Variants in DUS2 observed in about 807,000 individuals in gnomAD.
DUS2 encodes the protein dihydrouridine synthase 2, also known as tRNA-dihydrouridine(20) synthase [NAD(P)+]-like.
A neutral mutation model predicts 71.3 loss-of-function variants in DUS2; 52 were observed. The ratio of observed to expected loss-of-function variants is 0.73; its 90% confidence interval spans 0.58 to 0.92. The LOEUF (loss-of-function observed/expected upper bound fraction) is 0.92. Among genes scored for constraint, DUS2 ranks in the 40% least tolerant of loss-of-function variants. DUS2 has a pLI of 0.00. For synonymous variants in DUS2, 204 were observed against 227.8 expected, an observed-to-expected ratio of 0.90 and a Z score of 0.94; for missense variants, 558 against 622.6, an observed-to-expected ratio of 0.90 and a Z score of 1.10.
chr16:68,070,247 T>C (rs1439252112), intron 11 of DUS2, 27 bp downstream of exon 11: 1 of 1,605,812 alleles, frequency 6.2e-7, no homozygotes, highest in Non-Finnish European at 8.5e-7. Context: ...CATCATGTAC[T>C]CTGTGTCCCA....
intron 3 of DUS2, among the ~76,000 whole-genome samples, chr16:68,045,763 C>T (rs2033691647): frequency 1.3e-5 from 2 of 150,574 alleles, no homozygotes. Context: ...TCTTGTTGCC[C>T]AGGCCCTGGA....
intron 3 of DUS2, among the ~76,000 whole-genome samples, chr16:68,038,790 C>G (rs147894214): frequency 6.7e-6 from 1 of 148,896 alleles, no homozygotes; most frequent in Non-Finnish European, 1.5e-5. Flanking sequence ...TAGCTCATGC[C>G]GTAATACTAG....
At chr16:68,023,928 C>T (rs747590019) in intron 1 of DUS2, 1 of 167,238 alleles carries the variant, frequency 6.0e-6, no homozygotes, top group African/African-American at 2.4e-5. Flanking sequence ...CGCTCAGCTC[C>T]ACTGGCTTCC....
Position 68,075,325 on chromosome 16 carries a change from G to A in DUS2, c.933-30G>A, listed in dbSNP as rs2034141500. 1.9e-6 allele frequency: 3 copies of A among 1,560,746 alleles called. No homozygotes were observed. In the South Asian group the frequency reaches 3.6e-5, roughly 19 times the overall value. On this transcript the variant is annotated intron_variant, in intron 13 of 16. Transcript: ENST00000565263. Reference sequence around the variant, plus strand: ...CCCTGGATGCTGGCTCCGCTAAAGTGTTTGCTCTGATCTGCTTCTTCCTCC... The same window carrying A: ...CCCTGGATGCTGGCTCCGCTAAAGTATTTGCTCTGATCTGCTTCTTCCTCC...
At chr16:68,075,213 G>T (rs1255656254) in intron 13 of DUS2, 142 bp from the exon 14 acceptor site, 2 of 708,864 alleles carry the variant, frequency 2.8e-6, no homozygotes, top group Admixed American at 6.8e-5. Flanking sequence ...TGGGCAGGGG[G>T]CACATTCTGA....
At chr16:68,060,582 G>A (rs1053160619) in intron 7 of DUS2, among the ~76,000 whole-genome samples, 5 of 152,164 alleles carry the variant, frequency 3.3e-5, no homozygotes, top group Non-Finnish European at 7.4e-5. Flanking sequence ...CCAAAGTGCT[G>A]GAATTACAGG....
At chr16:68,025,750 G>T (rs1334590662) in intron 2 of DUS2, among the ~76,000 whole-genome samples, 2 of 151,970 alleles carry the variant, frequency 1.3e-5, no homozygotes. Flanking sequence ...TGTTTTCTGA[G>T]ATATTTTTAT....
At chr16:68,064,801 C>G (rs1295724979) in intron 8 of DUS2, among the ~76,000 whole-genome samples, 2 of 152,234 alleles carry the variant, frequency 1.3e-5, no homozygotes, top group East Asian at 1.9e-4. Context: ...GTCTGTCAGT[C>G]CAGCCTCTTG....
intron 12 of DUS2, among the ~76,000 whole-genome samples, chr16:68,073,465 T>C (rs1258799490): frequency 6.6e-6 from 1 of 150,930 alleles, no homozygotes; most frequent in Non-Finnish European, 1.5e-5. Context: ...TTTTTTTTTT[T>C]TGAGACAGAG....
intron 3 of DUS2, among the ~76,000 whole-genome samples, chr16:68,043,433 G>A (rs1251606026): frequency 6.6e-6 from 1 of 151,790 alleles, no homozygotes; most frequent in Non-Finnish European, 1.5e-5. Context: ...AAAAGTGCTG[G>A]GATTACAGGT....
At chr16:68,058,651 A>G (rs1282998438) in intron 7 of DUS2, among the ~76,000 whole-genome samples, 1 of 152,158 alleles carries the variant, frequency 6.6e-6, no homozygotes, top group Non-Finnish European at 1.5e-5. Context: ...ATGATTATAT[A>G]TATTTATTTG....
At chr16:68,029,015 A>G (rs1303202709) in intron 2 of DUS2, among the ~76,000 whole-genome samples, 5 of 152,106 alleles carry the variant, frequency 3.3e-5, no homozygotes, top group Non-Finnish European at 5.9e-5. Flanking sequence ...CCTGAGCAAC[A>G]TAGCAAGACT....
At chr16:68,039,235 A>C (rs2033583499) in intron 3 of DUS2, among the ~76,000 whole-genome samples, 1 of 152,048 alleles carries the variant, frequency 6.6e-6, no homozygotes. Context: ...CAGGGAAGGC[A>C]AAAGTCAGGT....
chr16:68,073,539 T>TC (rs1156874792), intron 12 of DUS2, among the ~76,000 whole-genome samples: 2 of 149,652 alleles, frequency 1.3e-5, no homozygotes. Context: ...AACCTTCGCC[T>TC]CCAGGGTTCA....
In DUS2 at chr16:68,078,328, C is replaced by G. The variant is rs186873944; in HGVS notation, c.1171-117C>G. 3.2e-6 allele frequency: 3 copies of G among 942,976 alleles called. No homozygotes were observed. In the Admixed American group the frequency reaches 5.5e-5, roughly 17 times the overall value. 58.4% of individuals were successfully genotyped at this position (942,976 alleles called of 1,614,324 possible). On this transcript the variant is annotated intron_variant, in intron 15 of 16. Transcript: ENST00000565263. ...TGGGAGGAGCATGTGATACAGGCAGCCTTCATTTGACTTAGGTTGGAAACA... is the reference window on the plus strand; with the variant it reads ...TGGGAGGAGCATGTGATACAGGCAGGCTTCATTTGACTTAGGTTGGAAACA...
chr16:68,062,211 A>T (rs1461539703), intron 8 of DUS2, among the ~76,000 whole-genome samples: 1 of 151,794 alleles, frequency 6.6e-6, no homozygotes, highest in African/African-American at 2.4e-5. Flanking sequence ...GGGTTTTGTC[A>T]TGTTGGCCAC....
chr16:68,041,718 A>C (rs2033627518), intron 3 of DUS2, among the ~76,000 whole-genome samples: 1 of 151,886 alleles, frequency 6.6e-6, no homozygotes, highest in Admixed American at 6.6e-5. Flanking sequence ...AGGTTGAGAC[A>C]AGAGAATCAC....
chr16:68,048,172 T>C (rs1182805713), intron 3 of DUS2, among the ~76,000 whole-genome samples: 1 of 152,232 alleles, frequency 6.6e-6, no homozygotes, highest in Non-Finnish European at 1.5e-5. Flanking sequence ...TATAAAGTTC[T>C]CCTGGGTTAG....
At chr16:68,038,354 G>T (rs1057008962) in intron 3 of DUS2, among the ~76,000 whole-genome samples, 1 of 152,138 alleles carries the variant, frequency 6.6e-6, no homozygotes, top group Non-Finnish European at 1.5e-5. Context: ...GCACAGAAGC[G>T]TTCTGGGATA....
Sources: gnomAD v4.1 joint callset for allele counts (sites outside exome capture counted in the v4.1 genomes callset) on GRCh38, gnomAD v4.1.1 for gene constraint, MANE v1.5 for transcripts, NCBI Gene and HGNC (gene_info 2026-07-23, HGNC 2026-07-21) for gene names.